ZNF492: variants seen among roughly 807,000 people sequenced by gnomAD.
ZNF492 encodes the protein zinc finger protein 492.
A neutral mutation model predicts 6.4 loss-of-function variants in ZNF492; 3 were observed. That is an observed-to-expected ratio of 0.47 (90% CI 0.21 to 1.22). ZNF492 has a LOEUF of 1.22. Among genes scored for constraint, ZNF492 ranks in the 50% most tolerant of loss-of-function variants. The pLI is 0.22. For synonymous variants in ZNF492, 112 were observed against 205.3 expected (o/e 0.55, Z 3.89); for missense variants, 356 against 612.5 (o/e 0.58, Z 4.42).
At chr19:22,640,783 A>G (rs1315299456) in intron 1 of ZNF492, among the ~76,000 whole-genome samples, 6 of 152,098 alleles carry the variant, frequency 3.9e-5, no homozygotes, top group Admixed American at 2.6e-4. Flanking sequence ...TTTATTACTA[A>G]TTCAGTTTTC....
At chr19:22,642,103 C>CTTTCTT (rs1437064111) in intron 1 of ZNF492, among the ~76,000 whole-genome samples, 2 of 152,130 alleles carry the variant, frequency 1.3e-5, no homozygotes, top group African/African-American at 4.8e-5. Context: ...ACGCCCCCAT[C>CTTTCTT]AGTTTATTAT....
chr19:22,643,993 A>C (rs1971853313), intron 1 of ZNF492, among the ~76,000 whole-genome samples: 1 of 151,600 alleles, frequency 6.6e-6, no homozygotes, highest in South Asian at 2.1e-4. Context: ...AGAAACTTGT[A>C]TTTTTATATC....
At chr19:22,648,855 C>T (rs1364382147) in intron 1 of ZNF492, among the ~76,000 whole-genome samples, 2 of 152,212 alleles carry the variant, frequency 1.3e-5, no homozygotes, top group Admixed American at 1.3e-4. Flanking sequence ...CTCCTGAATA[C>T]AGCACACTGA....
In ZNF492 at chr19:22,664,017, C is replaced by A; in HGVS notation, c.348C>A (p.Asp116Glu). 6.2e-7 allele frequency: 1 copy of A among 1,608,786 alleles called. No individual in the cohort carries two copies. The highest frequency in any genetic ancestry group is 8.5e-7 in the Non-Finnish European group (1 of 1,177,240). ...CCCAGAACAAAATATTTCAATGTGA[C>A]AAATATGTGAAAGTCTTTCATAAAT... ...TTTQNKIFQC[D>E]KYVKVFHKFS... The change falls in exon 4 of 4, where the codon GAC (aspartate) becomes GAA (glutamate). Residue 116 changes from aspartate to glutamate, a missense_variant. By Grantham distance (45) the Asp-to-Glu change is conservative (BLOSUM62 2). Around this residue, in one of 7 missense-constraint regions of ZNF492, gnomAD observed 196 missense variants for 219.4 expected, o/e 0.89. Transcript: ENST00000456783.
At position 22,666,474 on chromosome 19, in the gene ZNF492, A is replaced by T. The variant is rs1972130377; in HGVS notation, c.*1209A>T. ...CCGCAATGCTGCAATTACAGGTGTT[A>T]GCCACTGCGCCTGCCTGATGTTGTT... On this transcript the variant is annotated 3_prime_UTR_variant, in exon 4 of 4. Coordinates refer to ENST00000456783, the MANE Select transcript of ZNF492 (RefSeq NM_020855.3). 6.6e-6 allele frequency: 1 copy of T among 152,208 alleles called. No homozygotes were observed. Among genetic ancestry groups the T allele is most frequent in the Non-Finnish European group, 1.5e-5 (1 of 68,050 alleles). The allele number at this position is 152,208 out of a possible 1,614,324, so 9.4% of individuals were successfully genotyped here.
In ZNF492 at chr19:22,666,998, G is replaced by A. The variant is rs1220217880; in HGVS notation, c.*1733G>A. ...AATCCCAGCACTTTGGGAGGCAAAG[G>A]TGGGTAGATCACCTGAGGTCGGGAG... On this transcript the variant is annotated 3_prime_UTR_variant, in exon 4 of 4. Transcript: ENST00000456783. 1 of 152,222 alleles carries A rather than the reference G, an allele frequency of 6.6e-6. No individual in the cohort carries two copies. Among genetic ancestry groups the A allele is most frequent in the Non-Finnish European group, 1.5e-5 (1 of 68,094 alleles). 9.4% of individuals were successfully genotyped at this position (152,222 alleles called of 1,614,324 possible).
intron 1 of ZNF492, among the ~76,000 whole-genome samples, chr19:22,650,800 A>G (rs1490091317): frequency 6.6e-6 from 1 of 152,128 alleles, no homozygotes; most frequent in Non-Finnish European, 1.5e-5. Context: ...GCCAGGAGCT[A>G]TAGAGATGAC....
At chr19:22,655,550 A>C (rs2915939) in intron 3 of ZNF492, among the ~76,000 whole-genome samples, 34 of 150,890 alleles carry the variant, frequency 2.3e-4, no homozygotes, top group South Asian at 1.3e-3. Context: ...ATTTTGCTAA[A>C]TTATTGAGTG....
intron 1 of ZNF492, among the ~76,000 whole-genome samples, chr19:22,642,023 G>A (rs922796349): frequency 2.4e-4 from 36 of 152,150 alleles, no homozygotes; most frequent in African/African-American, 8.2e-4. Flanking sequence ...TCGATCTCCT[G>A]ACCTCGTCAT....
In ZNF492 at chr19:22,665,005, G is replaced by T. The variant is rs557595076; in HGVS notation, c.1336G>T (p.Glu446Ter). The change falls in exon 4 of 4, where the codon GAG becomes TAG. Residue 446 changes from glutamate to a stop codon, truncating the protein, a stop_gained. Transcript: ENST00000456783. LOFTEE classifies it low-confidence loss of function (END_TRUNC). Reference sequence around the variant, plus strand: ...TAAACATAAGGTAATTCATACTGGAGAGAAGCCCTACAAATATGAAGAATG... The same window carrying T: ...TAAACATAAGGTAATTCATACTGGATAGAAGCCCTACAAATATGAAGAATG... The part of the protein sequence containing the change: ...LSKHKVIHTG[E>*]KPYKYEECGK... 1.1e-5 allele frequency: 18 copies of T among 1,582,982 alleles called. 1 individual carries two copies. The highest frequency in any genetic ancestry group is 3.4e-4 in the Middle Eastern group (2 of 5,848).
In ZNF492 at chr19:22,666,652, C is replaced by G. The variant is rs1972132506; in HGVS notation, c.*1387C>G. 1 of 152,080 alleles carries G rather than the reference C, an allele frequency of 6.6e-6. No homozygotes were observed. Among genetic ancestry groups the G allele is most frequent in the Non-Finnish European group, 1.5e-5 (1 of 68,028 alleles). The allele number at this position is 152,080 out of a possible 1,614,324, so 9.4% of individuals were successfully genotyped here. On this transcript the variant is annotated 3_prime_UTR_variant, in exon 4 of 4. Coordinates refer to ENST00000456783, the MANE Select transcript of ZNF492 (RefSeq NM_020855.3). ...CTAAGTAAAGAGGTTCTTTGTGATT[C>G]ACTTACAGTACTGAGTGATGCATGA... is the stretch of plus-strand genomic sequence containing the variant.
intron 1 of ZNF492, among the ~76,000 whole-genome samples, chr19:22,635,750 C>A (rs916409409): frequency 6.6e-6 from 1 of 152,210 alleles, no homozygotes; most frequent in African/African-American, 2.4e-5. Flanking sequence ...ACCGCTATGG[C>A]GATGTCTGCT....
Position 22,637,185 on chromosome 19 carries a change from G to A in ZNF492, c.-94+2711G>A, listed in dbSNP as rs561985252. Among the ~76,000 whole-genome samples, 17 of 151,434 alleles carry A rather than the reference G, an allele frequency of 1.1e-4. No individual in the cohort carries two copies. In the South Asian group the frequency reaches 3.3e-3, roughly 30 times the overall value. ...GTAGAGATGGGGTTTCACCATGTTG[G>A]TCAGGCTGGTCTCGAATTCCTGACC... On this transcript the variant is annotated intron_variant, in intron 1 of 3. Coordinates refer to ENST00000456783, the MANE Select transcript of ZNF492 (RefSeq NM_020855.3).
At chr19:22,662,550 A>G (rs1456399840) in intron 3 of ZNF492, among the ~76,000 whole-genome samples, 2 of 152,158 alleles carry the variant, frequency 1.3e-5, no homozygotes, top group African/African-American at 4.8e-5. Flanking sequence ...AGTCCCACCA[A>G]CAGTGTAAAA....
intron 3 of ZNF492, among the ~76,000 whole-genome samples, chr19:22,658,223 A>G (rs1972016892): frequency 1.3e-5 from 2 of 151,952 alleles, no homozygotes; most frequent in Non-Finnish European, 2.9e-5. Flanking sequence ...AAGCTTGAGA[A>G]CATCCTGGAA....
chr19:22,665,330 A>G lies in ZNF492; in HGVS notation c.*65A>G, dbSNP rs1972113465. On this transcript the variant is annotated 3_prime_UTR_variant, in exon 4 of 4. Coordinates refer to ENST00000456783, the MANE Select transcript of ZNF492 (RefSeq NM_020855.3). Reference sequence around the variant, plus strand: ...CACTGGATTGTAGGTAAGGTAATTCATTCTGGAGAAAACTTCTACAAGTGT... The same window carrying G: ...CACTGGATTGTAGGTAAGGTAATTCGTTCTGGAGAAAACTTCTACAAGTGT... The G allele has an allele frequency of 2.0e-6, 3 of 1,494,814 alleles. No homozygotes were observed. Among genetic ancestry groups the G allele is most frequent in the Non-Finnish European group, 1.8e-6 (2 of 1,123,294 alleles). 92.6% of individuals were successfully genotyped at this position (1,494,814 alleles called of 1,614,324 possible).
chr19:22,655,141 A>C (rs1971981547), intron 3 of ZNF492, among the ~76,000 whole-genome samples: 1 of 151,690 alleles, frequency 6.6e-6, no homozygotes, highest in Non-Finnish European at 1.5e-5. Flanking sequence ...AAAAATACAA[A>C]AAATTAGTCA....
intron 3 of ZNF492, among the ~76,000 whole-genome samples, chr19:22,662,143 C>T (rs1972065504): frequency 1.3e-5 from 2 of 152,034 alleles, no homozygotes; most frequent in South Asian, 2.1e-4. Context: ...TCCAGGTATT[C>T]TCATTGCTCA....
intron 1 of ZNF492, among the ~76,000 whole-genome samples, chr19:22,648,476 G>A (rs939479141): frequency 6.6e-6 from 1 of 152,216 alleles, no homozygotes; most frequent in Non-Finnish European, 1.5e-5. Flanking sequence ...TTGATCCAGA[G>A]CTGAGTTCAA....
Sources: gnomAD v4.1 joint callset for allele counts (sites outside exome capture counted in the v4.1 genomes callset) on GRCh38, gnomAD v4.1.1 for gene constraint, gnomAD v4.1.1 regional missense constraint, MANE v1.5 for transcripts, NCBI Gene and HGNC (gene_info 2026-07-23, HGNC 2026-07-21) for gene names.